THADA: variants seen among roughly 807,000 people sequenced by gnomAD.
The protein encoded by THADA is THADA armadillo repeat containing, also known as tRNA (32-2'-O)-methyltransferase regulator THADA.
THADA carries 213 observed loss-of-function variants against 219.8 expected under a neutral mutation model. The observed-to-expected ratio is 0.97, with a 90% CI of 0.87 to 1.09. The LOEUF is 1.09. Among genes scored for constraint, THADA ranks in the 50% least tolerant of loss-of-function variants. THADA has a pLI of 0.00. For missense variants in THADA, 2,956 were observed against 2,311.3 expected (o/e 1.28, Z -5.72); for synonymous variants, 1,018 against 828.9 (o/e 1.23, Z -3.92).
rs748510527 is a variant in THADA at position 43,286,938 on chromosome 2, G to C, written c.5134C>G (p.Leu1712Val). The change falls in exon 35 of 38, where the codon CTT becomes GTT. Residue 1712 changes from leucine to valine, a missense_variant. By Grantham distance (32) the Leu-to-Val change is conservative. Coordinates refer to ENST00000405975, the MANE Select transcript of THADA (RefSeq NM_022065.5). ...ATAGGATGGGGGTTGGTGAGGAAAA[G>C]TGGTGTAGTACTGGTGAGGACTTCA... ...VVEVLTSTTP[L>V]FLTNPHPILE... 8.7e-6 allele frequency: 14 copies of C among 1,613,430 alleles called. No individual in the cohort carries two copies. The highest frequency in any genetic ancestry group is 8.0e-5 in the African/African-American group (6 of 74,926).
chr2:43,495,197 A>T (rs1210383214), intron 25 of THADA, among the ~76,000 whole-genome samples: 2 of 152,204 alleles, frequency 1.3e-5, no homozygotes, highest in African/African-American at 4.8e-5. Context: ...AGGTTGACTC[A>T]TAAATTTTAT....
chr2:43,318,802 G>A (rs1639161943), intron 31 of THADA, among the ~76,000 whole-genome samples: 1 of 152,164 alleles, frequency 6.6e-6, no homozygotes, highest in African/African-American at 2.4e-5. Flanking sequence ...TAACAGCTTG[G>A]AGAAATGGAT....
intron 21 of THADA, among the ~76,000 whole-genome samples, chr2:43,539,020 T>C (rs1252864136): frequency 1.3e-5 from 2 of 152,190 alleles, no homozygotes; most frequent in South Asian, 2.1e-4. Context: ...CAAAATAGAA[T>C]AGAATTGTAT....
rs985987655 is a variant in THADA at position 43,385,296 on chromosome 2, T to C, written c.4227+12675A>G. ...AACAAGTTAGATATAAAAATGACTA[T>C]ACATCCTGTAATCTAAGAAGAAAGG... On this transcript the variant is annotated intron_variant, in intron 29 of 37. Coordinates refer to ENST00000405975, the MANE Select transcript of THADA (RefSeq NM_022065.5). 3.3e-5 allele frequency among the ~76,000 whole-genome samples: 5 copies of C among 152,100 alleles called. No homozygotes were observed. In the South Asian group the frequency reaches 8.3e-4, roughly 25 times the overall value.
intron 29 of THADA, among the ~76,000 whole-genome samples, chr2:43,392,669 G>T (rs1249460637): frequency 6.6e-6 from 1 of 152,048 alleles, no homozygotes; most frequent in East Asian, 1.9e-4. Context: ...AGTAAACACA[G>T]AATCTATTGG....
intron 36 of THADA, among the ~76,000 whole-genome samples, chr2:43,278,163 C>T (rs752779355): frequency 3.3e-5 from 5 of 152,066 alleles, no homozygotes; most frequent in Non-Finnish European, 7.4e-5. Flanking sequence ...ATTGGCCAGG[C>T]TAGTCTTGAA....
At chr2:43,483,880 C>T (rs1558834763) in intron 26 of THADA, among the ~76,000 whole-genome samples, 1 of 151,714 alleles carries the variant, frequency 6.6e-6, no homozygotes, top group Non-Finnish European at 1.5e-5. Context: ...TTCATTTATA[C>T]CAGTATTTAT....
chr2:43,540,683 G>C (rs145244347), intron 21 of THADA, among the ~76,000 whole-genome samples: 1 of 152,152 alleles, frequency 6.6e-6, no homozygotes, highest in Non-Finnish European at 1.5e-5. Context: ...AACAGTCCCA[G>C]ATGGTGAACT....
chr2:43,520,646 C>T (rs1692283149), intron 22 of THADA, among the ~76,000 whole-genome samples: 1 of 151,802 alleles, frequency 6.6e-6, no homozygotes. Flanking sequence ...GCCAATATCA[C>T]ACCACTGTGC....
At chr2:43,313,128 G>A in intron 31 of THADA, among the ~76,000 whole-genome samples, 1 of 152,076 alleles carries the variant, frequency 6.6e-6, no homozygotes, top group East Asian at 1.9e-4. Flanking sequence ...CATGTTTTAG[G>A]CAGTACAAAT....
chr2:43,305,603 C>A (rs1676764111), intron 31 of THADA, among the ~76,000 whole-genome samples: 1 of 152,172 alleles, frequency 6.6e-6, no homozygotes, highest in Admixed American at 6.5e-5. Flanking sequence ...GGATGTGCTT[C>A]TGAGGATACT....
chr2:43,381,603 C>T (rs1189478278), intron 29 of THADA, among the ~76,000 whole-genome samples: 14 of 147,996 alleles, frequency 9.5e-5, no homozygotes, highest in South Asian at 2.1e-4. Flanking sequence ...TTTTTTCCGA[C>T]GGAGTCTCAC....
intron 25 of THADA, among the ~76,000 whole-genome samples, chr2:43,497,289 A>C (rs915201695): frequency 1.3e-5 from 2 of 152,234 alleles, no homozygotes; most frequent in African/African-American, 4.8e-5. Flanking sequence ...CCCAAACCAA[A>C]TGCCCATCAA....
At chr2:43,342,678 C>T (rs771550430) in intron 30 of THADA, among the ~76,000 whole-genome samples, 11 of 152,242 alleles carry the variant, frequency 7.2e-5, no homozygotes, top group Non-Finnish European at 7.3e-5. Flanking sequence ...GTACCTACTA[C>T]AGACATTTGT....
chr2:43,499,096 TTAATAAAACAC>T, intron 24 of THADA, 141 bp from the exon 25 acceptor site: 3 of 904,896 alleles, frequency 3.3e-6, no homozygotes, highest in Non-Finnish European at 4.8e-6. Context: ...AATAGCAGAT[TTAATAAAACAC>T]ATCCAGTAGC....
chr2:43,395,176 C>T (rs1486261279), intron 29 of THADA, among the ~76,000 whole-genome samples: 1 of 152,192 alleles, frequency 6.6e-6, no homozygotes, highest in Non-Finnish European at 1.5e-5. Context: ...TAAAGTTCAG[C>T]CAAGAGTGGA....
At chr2:43,286,133 G>C (rs1055981370) in intron 35 of THADA, among the ~76,000 whole-genome samples, 4 of 152,208 alleles carry the variant, frequency 2.6e-5, no homozygotes, top group Admixed American at 6.5e-5. Flanking sequence ...GGGACAGTTA[G>C]GCTGTTTTGA....
chr2:43,350,939 AG>A (rs1187451237), intron 29 of THADA, among the ~76,000 whole-genome samples: 2 of 152,194 alleles, frequency 1.3e-5, no homozygotes, highest in African/African-American at 4.8e-5. Flanking sequence ...TAGTTTGGGG[AG>A]AGAATCACAG....
At chr2:43,305,690 CA>C (rs1676773022) in intron 31 of THADA, among the ~76,000 whole-genome samples, 1 of 152,122 alleles carries the variant, frequency 6.6e-6, no homozygotes, top group Non-Finnish European at 1.5e-5. Flanking sequence ...CAGAAGAGCT[CA>C]AAGGATCTGG....
Sources: gnomAD v4.1 joint callset for allele counts (sites outside exome capture counted in the v4.1 genomes callset) on GRCh38, gnomAD v4.1.1 for gene constraint, MANE v1.5 for transcripts, NCBI Gene and HGNC (gene_info 2026-07-23, HGNC 2026-07-21) for gene names.